RHOT1: variants seen among roughly 807,000 people sequenced by gnomAD.
RHOT1 encodes mitochondrial Rho GTPase 1.
A neutral mutation model predicts 95.3 loss-of-function variants in RHOT1; 27 were observed. The observed-to-expected ratio is 0.28, with a 90% CI of 0.21 to 0.39. RHOT1 has a LOEUF of 0.39. Among genes scored for constraint, RHOT1 ranks in the 10% least tolerant of loss-of-function variants. RHOT1 has a pLI of 1.00. For missense variants in RHOT1, 578 were observed against 786.7 expected, an observed-to-expected ratio of 0.73 and a Z score of 3.17; for synonymous variants, 227 against 263.5, an observed-to-expected ratio of 0.86 and a Z score of 1.34.
At chr17:32,173,102 T>C (rs1240678226) in intron 2 of RHOT1, 1 of 152,222 alleles carries the variant, frequency 6.6e-6, no homozygotes, top group Admixed American at 6.5e-5. Context: ...ATTGTGTCTA[T>C]GTAGATAGAA....
intron 19 of RHOT1, among the ~76,000 whole-genome samples, chr17:32,223,360 ATAACC>A (rs1294813781): frequency 1.3e-5 from 2 of 151,676 alleles, no homozygotes; most frequent in Non-Finnish European, 2.9e-5. Flanking sequence ...TAGTTATAAA[ATAACC>A]TAAACTAGAC....
Position 32,192,157 on chromosome 17 carries a change from A to T in RHOT1, c.541-44A>T, listed in dbSNP as rs200326655. 282 of 945,922 alleles carry T rather than the reference A, an allele frequency of 3.0e-4. 1 individual carries two copies. In the African/African-American group the frequency reaches 4.3e-3, roughly 14 times the overall value. 58.6% of individuals were successfully genotyped at this position (945,922 alleles called of 1,614,324 possible). Reference sequence around the variant, plus strand: ...GAATTATTCTCAGCATTGCTTATGAAAATCACAGTTTAAACAATTATTTCT... The same window carrying T: ...GAATTATTCTCAGCATTGCTTATGATAATCACAGTTTAAACAATTATTTCT... On this transcript the variant is annotated intron_variant, in intron 8 of 19. Transcript: ENST00000545287.
intron 17 of RHOT1, chr17:32,207,384 C>G (rs2037833372): frequency 5.9e-6 from 1 of 170,892 alleles, no homozygotes; most frequent in African/African-American, 2.4e-5. Context: ...CCAAGAATAA[C>G]AGCCAGAGGA....
At chr17:32,161,917 A>G (rs917959352) in intron 1 of RHOT1, among the ~76,000 whole-genome samples, 3 of 152,218 alleles carry the variant, frequency 2.0e-5, no homozygotes, top group African/African-American at 7.2e-5. Flanking sequence ...TTGAAGAGGT[A>G]CATGGGGAAA....
chr17:32,197,926 A>G (rs989009298), intron 11 of RHOT1, among the ~76,000 whole-genome samples: 2 of 151,456 alleles, frequency 1.3e-5, no homozygotes, highest in African/African-American at 2.4e-5. Context: ...ACAGGGTCTC[A>G]TTCTGTCACC....
Position 32,185,709 on chromosome 17 carries a change from C to CT in RHOT1, c.540+2459dup, listed in dbSNP as rs57965854. On this transcript the variant is annotated intron_variant, in intron 8 of 19. Transcript: ENST00000545287. ...AGGTGTGAACCGCCATGCCCGGCCTCTTTTTTTTTTTTTTTTTTTTTTAAA... is the reference window on the plus strand; with the variant it reads ...AGGTGTGAACCGCCATGCCCGGCCTCTTTTTTTTTTTTTTTTTTTTTTTAAA... 2.9e-3 allele frequency among the ~76,000 whole-genome samples: 366 copies of CT among 126,724 alleles called. 3 individuals carry two copies. The highest frequency in any genetic ancestry group is 5.6e-3 in the South Asian group (22 of 3,916). 83.1% of individuals were successfully genotyped at this position (126,724 alleles called of 152,430 possible).
rs1226023803 is a variant in RHOT1 at position 32,142,560 on chromosome 17, G to A, written c.-133G>A. 1.5e-6 allele frequency: 1 copy of A among 659,824 alleles called. No individual in the cohort carries two copies. The highest frequency in any genetic ancestry group is 1.9e-5 in the African/African-American group (1 of 51,890). The allele number at this position is 659,824 out of a possible 1,614,324, so 40.9% of individuals were successfully genotyped here. On this transcript the variant is annotated 5_prime_UTR_variant, in exon 1 of 20. Coordinates refer to ENST00000545287, the MANE Select transcript of RHOT1 (RefSeq NM_001033566.3). ...GCTGTCCCGGCTCTCTTGCGGGGAA[G>A]CAACTGAGGGGGCGGCGCGGCGGGC...
At chr17:32,176,125 T>TTATCATGGCTAAGCGCTTGTTAATTTTC (rs760387525) in intron 5 of RHOT1, 36 bp from the exon 6 acceptor site, 7 of 1,601,036 alleles carry the variant, frequency 4.4e-6, no homozygotes, top group Non-Finnish European at 6.0e-6. Context: ...GTAAAGATCC[T>TTATCATGGCTAAGCGCTTGTTAATTTTC]TATCATGGCT....
intron 1 of RHOT1, among the ~76,000 whole-genome samples, chr17:32,155,787 C>T (rs1567656653): frequency 1.3e-5 from 2 of 152,006 alleles, no homozygotes; most frequent in Admixed American, 6.6e-5. Flanking sequence ...AGTGATTCTC[C>T]CACCTCAGCC....
chr17:32,212,591 TC>T (rs1300581153), intron 19 of RHOT1, among the ~76,000 whole-genome samples: 1 of 152,252 alleles, frequency 6.6e-6, no homozygotes, highest in African/African-American at 2.4e-5. Context: ...TAGAATGCCT[TC>T]CTGCAAGCCT....
chr17:32,207,072 G>A (rs1425751429), intron 17 of RHOT1, 43 bp downstream of exon 17: 5 of 1,554,110 alleles, frequency 3.2e-6, no homozygotes, highest in Admixed American at 2.1e-5. Flanking sequence ...AACTTCATAT[G>A]GACTTTTTAT....
chr17:32,145,380 A>T (rs1357973794), intron 1 of RHOT1, among the ~76,000 whole-genome samples: 1 of 152,040 alleles, frequency 6.6e-6, no homozygotes, highest in Non-Finnish European at 1.5e-5. Context: ...TTAAATTGAG[A>T]TATATTTGTT....
chr17:32,221,641 C>T (rs753859715), intron 19 of RHOT1, among the ~76,000 whole-genome samples: 4 of 152,166 alleles, frequency 2.6e-5, no homozygotes, highest in Non-Finnish European at 5.9e-5. Context: ...CTTTCCATGT[C>T]TAAAAGTGTC....
chr17:32,196,439 G>A (rs946354814), intron 11 of RHOT1, among the ~76,000 whole-genome samples: 10 of 152,056 alleles, frequency 6.6e-5, no homozygotes, highest in East Asian at 1.9e-4. Flanking sequence ...AAATCCTCCC[G>A]CGTTGACCTC....
At chr17:32,213,755 T>G (rs2038278268) in intron 19 of RHOT1, among the ~76,000 whole-genome samples, 1 of 152,218 alleles carries the variant, frequency 6.6e-6, no homozygotes, top group Non-Finnish European at 1.5e-5. Flanking sequence ...AATTACAGAT[T>G]GATTCATTGT....
At chr17:32,207,887 G>C (rs549171010) in intron 17 of RHOT1, among the ~76,000 whole-genome samples, 2 of 152,194 alleles carry the variant, frequency 1.3e-5, no homozygotes, top group African/African-American at 2.4e-5. Context: ...TAAGGAATCA[G>C]TATAGGTCTG....
chr17:32,175,395 G>A (rs1485613206), intron 4 of RHOT1, 33 bp downstream of exon 4: 8 of 1,585,856 alleles, frequency 5.0e-6, no homozygotes, highest in Non-Finnish European at 6.9e-6. Context: ...GTGGGGTTTT[G>A]TGTAGAAAAA....
chr17:32,219,747 A>G (rs28673569), intron 19 of RHOT1, among the ~76,000 whole-genome samples: 27,960 of 152,190 alleles, frequency 0.18, 2,645 homozygotes, highest in South Asian at 0.24. Flanking sequence ...TAAGCCAGAA[A>G]GCCAACATCC....
At chr17:32,222,968 C>T (rs2038921883) in intron 19 of RHOT1, 2 of 782,992 alleles carry the variant, frequency 2.6e-6, no homozygotes, top group Admixed American at 1.3e-4. Flanking sequence ...GCATTTTCTT[C>T]TCTGACTTTT....
Sources: gnomAD v4.1 joint callset for allele counts (sites outside exome capture counted in the v4.1 genomes callset) on GRCh38, gnomAD v4.1.1 for gene constraint, MANE v1.5 for transcripts, NCBI Gene and HGNC (gene_info 2026-07-23, HGNC 2026-07-21) for gene names.